BNC2: variants seen among roughly 807,000 people sequenced by gnomAD.
BNC2 encodes basonuclin zinc finger protein 2, also known as zinc finger protein basonuclin-2.
BNC2 carries 20 observed loss-of-function variants against 76.3 expected under a neutral mutation model. The observed-to-expected ratio is 0.26, with a 90% confidence interval of 0.18 to 0.38. The LOEUF (loss-of-function observed/expected upper bound fraction) is 0.38. Ranked by LOEUF, BNC2 falls within the 10% of genes least tolerant of loss-of-function variation. The probability of loss-of-function intolerance (pLI) is 1.00; values close to 1 mark genes in which losing one functional copy is unlikely to be tolerated. For synonymous variants in BNC2, 582 were observed against 514.8 expected (o/e 1.13, Z -1.77); for missense variants, 1,382 against 1,399.8 (o/e 0.99, Z 0.20).
intron 3 of BNC2, among the ~76,000 whole-genome samples, chr9:16,611,092 AAG>A (rs1820533004): frequency 6.6e-6 from 1 of 152,222 alleles, no homozygotes; most frequent in Non-Finnish European, 1.5e-5. Flanking sequence ...AAGTACAAGC[AAG>A]AGAAGACTGT....
chr9:16,642,505 A>C (rs1220671390), intron 3 of BNC2, among the ~76,000 whole-genome samples: 1 of 152,160 alleles, frequency 6.6e-6, no homozygotes, highest in African/African-American at 2.4e-5. Flanking sequence ...CATACTACAA[A>C]ACCACTGACC....
At chr9:16,615,719 T>C (rs1447646760) in intron 3 of BNC2, among the ~76,000 whole-genome samples, 2 of 152,220 alleles carry the variant, frequency 1.3e-5, no homozygotes, top group African/African-American at 2.4e-5. Context: ...TAAATAAATT[T>C]GTATGCTTTT....
chr9:16,435,060 T>C, intron 6 of BNC2: 2 of 471,550 alleles, frequency 4.2e-6, no homozygotes, highest in Non-Finnish European at 8.8e-6. Context: ...TGTCTCGATG[T>C]CCTGGACCTA....
intron 1 of BNC2, among the ~76,000 whole-genome samples, chr9:16,870,263 T>G: frequency 6.6e-6 from 1 of 151,940 alleles, no homozygotes; most frequent in East Asian, 2.0e-4. Context: ...CTGCCAGCGC[T>G]CCATTCATCC....
chr9:16,599,619 A>G (rs1237345399), intron 3 of BNC2, among the ~76,000 whole-genome samples: 1 of 152,144 alleles, frequency 6.6e-6, no homozygotes, highest in Non-Finnish European at 1.5e-5. Context: ...CCCCATCTCT[A>G]TTAAAAATAC....
At chr9:16,549,725 G>A (rs1818601039) in intron 5 of BNC2, among the ~76,000 whole-genome samples, 1 of 152,084 alleles carries the variant, frequency 6.6e-6, no homozygotes, top group Non-Finnish European at 1.5e-5. Context: ...CACTACAAAA[G>A]TGGTAACAGT....
At chr9:16,697,070 TA>T (rs1248917764) in intron 3 of BNC2, among the ~76,000 whole-genome samples, 2 of 152,114 alleles carry the variant, frequency 1.3e-5, no homozygotes, top group Non-Finnish European at 2.9e-5. Context: ...CAATATAAAT[TA>T]AAGAGTGTGC....
At chr9:16,683,625 T>G (rs1822889239) in intron 3 of BNC2, among the ~76,000 whole-genome samples, 1 of 152,192 alleles carries the variant, frequency 6.6e-6, no homozygotes. Flanking sequence ...CTAGGACACA[T>G]GACATGGCAA....
At chr9:16,449,267 C>T (rs1339720457) in intron 5 of BNC2, among the ~76,000 whole-genome samples, 1 of 152,144 alleles carries the variant, frequency 6.6e-6, no homozygotes, top group Non-Finnish European at 1.5e-5. Context: ...TGCAAACGTG[C>T]CATTAGAAGC....
In BNC2 at chr9:16,744,520, C is replaced by T. The variant is rs568379836; in HGVS notation, c.4-6035G>A. ...TGGTATGTAGACAAACTATAAAAGA[C>T]GCAGTCTCTGACCTCAAGTACTTAT... On this transcript the variant is annotated intron_variant, in intron 1 of 6. Coordinates refer to ENST00000380672, the MANE Select transcript of BNC2 (RefSeq NM_017637.6). 4.6e-5 allele frequency among the ~76,000 whole-genome samples: 7 copies of T among 152,294 alleles called. No individual in the cohort carries two copies. The South Asian group carries it at 1.5e-3, about 32-fold the overall frequency.
Position 16,539,067 on chromosome 9 carries a change from T to C in BNC2, c.669+13463A>G, listed in dbSNP as rs527956464. 5.3e-5 allele frequency among the ~76,000 whole-genome samples: 8 copies of C among 152,072 alleles called. No homozygotes were observed. In the South Asian group the frequency reaches 6.2e-4, roughly 12 times the overall value. ...ATGGTGTGTGTGTGTTTACCACTTA[T>C]AATATACCACTTCCACTAAATTGAA... On this transcript the variant is annotated intron_variant, in intron 5 of 6. Coordinates refer to ENST00000380672, the MANE Select transcript of BNC2 (RefSeq NM_017637.6).
chr9:16,502,291 C>T (rs188636747), intron 5 of BNC2, among the ~76,000 whole-genome samples: 4 of 152,192 alleles, frequency 2.6e-5, no homozygotes, highest in Admixed American at 1.3e-4. Flanking sequence ...AAGGTCACAG[C>T]GAGCTATGGT....
intron 3 of BNC2, among the ~76,000 whole-genome samples, chr9:16,680,893 C>T (rs1378158509): frequency 6.6e-6 from 1 of 152,136 alleles, no homozygotes; most frequent in South Asian, 2.1e-4. Flanking sequence ...AAACTAGAGC[C>T]TCATCCATAT....
At chr9:16,665,852 C>A (rs13301628) in intron 3 of BNC2, among the ~76,000 whole-genome samples, 62,227 of 151,900 alleles carry the variant, frequency 0.41, 15,227 homozygotes, top group Non-Finnish European at 0.57. Context: ...ATACTTCCTA[C>A]CTGTTGAACC....
At chr9:16,529,237 G>C (rs1180705187) in intron 5 of BNC2, among the ~76,000 whole-genome samples, 1 of 152,112 alleles carries the variant, frequency 6.6e-6, no homozygotes, top group Non-Finnish European at 1.5e-5. Flanking sequence ...ACAGGCTCCA[G>C]GGATTTGACA....
intron 5 of BNC2, among the ~76,000 whole-genome samples, chr9:16,508,821 C>CTTT (rs386414529): frequency 0.31 from 44,998 of 143,204 alleles, 8,484 homozygotes; most frequent in South Asian, 0.52. Flanking sequence ...TTTTGCACAT[C>CTTT]TTTTTTTTTT....
chr9:16,581,510 C>A (rs1161012731), intron 4 of BNC2, among the ~76,000 whole-genome samples: 3 of 152,104 alleles, frequency 2.0e-5, no homozygotes, highest in African/African-American at 7.2e-5. Context: ...GACACCAGGG[C>A]ATGCTCCCAC....
intron 3 of BNC2, among the ~76,000 whole-genome samples, chr9:16,711,215 A>T (rs564680260): frequency 1.3e-3 from 192 of 152,306 alleles, no homozygotes; most frequent in African/African-American, 4.6e-3. Flanking sequence ...TTTTAAATGA[A>T]CCTTAAATGT....
intron 1 of BNC2, among the ~76,000 whole-genome samples, chr9:16,833,205 C>G (rs1438478983): frequency 1.3e-5 from 2 of 152,188 alleles, no homozygotes; most frequent in Admixed American, 6.6e-5. Context: ...CAAGTGACAA[C>G]TGACCTATTC....
Sources: gnomAD v4.1 joint callset for allele counts (sites outside exome capture counted in the v4.1 genomes callset) on GRCh38, gnomAD v4.1.1 for gene constraint, MANE v1.5 for transcripts, NCBI Gene and HGNC (gene_info 2026-07-23, HGNC 2026-07-21) for gene names.